The following NABP2 variants were observed in gnomAD, a reference collection of about 807,000 sequenced individuals.
NABP2 encodes nucleic acid binding protein 2.
NABP2 carries 7 observed loss-of-function variants against 22.7 expected under a neutral mutation model. The observed-to-expected ratio is 0.31, with a 90% CI of 0.18 to 0.58. The LOEUF (loss-of-function observed/expected upper bound fraction) is 0.58. NABP2 is among the 20% of genes least tolerant of loss of function. The pLI is 0.89. For synonymous variants in NABP2, 107 were observed against 99.2 expected (o/e 1.08, Z -0.47); for missense variants, 188 against 265.9 (o/e 0.71, Z 2.04).
chr12:56,228,290 C>T (rs1405713865), intron 6 of NABP2, among the ~76,000 whole-genome samples: 2 of 152,066 alleles, frequency 1.3e-5, no homozygotes, highest in South Asian at 2.1e-4. Context: ...CTCATACACA[C>T]CTTTTTTTTA....
At chr12:56,227,276 C>A (rs1406858341) in intron 6 of NABP2, among the ~76,000 whole-genome samples, 2 of 150,524 alleles carry the variant, frequency 1.3e-5, no homozygotes, top group Non-Finnish European at 3.0e-5. Flanking sequence ...CTTGGGAGGC[C>A]GAGGCAGGCG....
rs1364632219 is a variant in NABP2, at chr12:56,229,532, C to T, written c.*319C>T. The T allele has an allele frequency of 6.2e-6, 2 of 321,094 alleles. No homozygotes were observed. The highest frequency in any genetic ancestry group is 1.2e-5 in the Non-Finnish European group (2 of 168,254). The allele number at this position is 321,094 out of a possible 1,614,324, so 19.9% of individuals were successfully genotyped here. A position where few individuals can be genotyped will look rare whatever the true frequency, so the allele number is the denominator to read the frequency against. Reference sequence around the variant, plus strand: ...GGCGGATCACCTGAGGTCGGGAGTTCAAGACCAGCCTGACCAACATGGAGA... The same window carrying T: ...GGCGGATCACCTGAGGTCGGGAGTTTAAGACCAGCCTGACCAACATGGAGA... On this transcript the variant is annotated 3_prime_UTR_variant, in exon 7 of 7. Coordinates refer to ENST00000267023, the MANE Select transcript of NABP2 (RefSeq NM_024068.4).
chr12:56,229,411 C>T lies in NABP2; in HGVS notation c.*198C>T. On this transcript the variant is annotated 3_prime_UTR_variant, in exon 7 of 7. Transcript: ENST00000267023. ...ACTACCTGTCCCCTGGGAGTCAGGACCCTCTGCCTGCTCTCTTTCCTCTTT... is the reference window on the plus strand; with the variant it reads ...ACTACCTGTCCCCTGGGAGTCAGGATCCTCTGCCTGCTCTCTTTCCTCTTT... The T allele has an allele frequency of 1.5e-5, 9 of 607,724 alleles. No homozygotes were observed. The South Asian group carries it at 1.6e-4, about 11-fold the overall frequency. 37.6% of individuals were successfully genotyped at this position (607,724 alleles called of 1,614,324 possible). A position where few individuals can be genotyped will look rare whatever the true frequency, so the allele number is the denominator to read the frequency against.
In NABP2 at chr12:56,225,615, C is replaced by T. The variant is rs750777581; in HGVS notation, c.219-9C>T. On this transcript the variant is annotated splice_polypyrimidine_tract_variant and intron_variant, in intron 3 of 6. Coordinates refer to ENST00000267023, the MANE Select transcript of NABP2 (RefSeq NM_024068.4). ...GAGTACTGAATTTTGCTTTTTTTGC[C>T]TCCCATAGGTACGCTTCAGTTTTCA... The T allele has an allele frequency of 5.0e-6, 8 of 1,614,062 alleles. No individual in the cohort carries two copies. In the South Asian group the frequency reaches 7.7e-5, roughly 16 times the overall value.
intron 2 of NABP2, 50 bp downstream of exon 2, chr12:56,224,985 G>T: frequency 7.5e-7 from 1 of 1,331,980 alleles, no homozygotes; most frequent in South Asian, 1.2e-5. Context: ...GGGGGCAGGA[G>T]GGGAAGAACG....
Position 56,224,880 on chromosome 12 carries a change from G to C in NABP2, c.24G>C (p.Lys8Asn). ...GCATGACGACGGAGACCTTTGTGAA[G>C]GATATCAAGCCTGGGCTCAAGAATC... Reference protein sequence around the residue: MTTETFVKDIKPGLKNLN... With the variant: MTTETFVNDIKPGLKNLN... Residue 8 changes from lysine (K) to asparagine (N), a missense_variant, in exon 2 of 7, where the codon AAG (lysine) becomes AAC (asparagine). Coordinates refer to ENST00000267023, the MANE Select transcript of NABP2 (RefSeq NM_024068.4). The C allele has an allele frequency of 6.2e-7, 1 of 1,613,850 alleles. No individual in the cohort carries two copies. Among genetic ancestry groups the C allele is most frequent in the Non-Finnish European group, 8.5e-7 (1 of 1,179,968 alleles).
intron 6 of NABP2, among the ~76,000 whole-genome samples, chr12:56,227,866 T>C (rs578048804): frequency 6.6e-6 from 1 of 152,040 alleles, no homozygotes; most frequent in Non-Finnish European, 1.5e-5. Context: ...ATGTGACTTG[T>C]TATTAGCTTT....
chr12:56,229,087 T>TTGCCACCC lies in NABP2; in HGVS notation c.510_511insTGCCACCC (p.Pro171CysfsTer65). On this transcript the variant is annotated frameshift_variant, in exon 7 of 7. Transcript: ENST00000267023. LOFTEE classifies it high-confidence loss of function. ...GTGGTGGCCCACATCCCCCTCATAC[T>TTGCCACCC]CCCTCCCACCCACCCAGCACCCGAA... The TTGCCACCC allele has an allele frequency of 1.3e-6, 2 of 1,512,336 alleles. No homozygotes were observed. Among genetic ancestry groups the TTGCCACCC allele is most frequent in the Non-Finnish European group, 1.8e-6 (2 of 1,102,004 alleles). 93.7% of individuals were successfully genotyped at this position (1,512,336 alleles called of 1,614,324 possible).
chr12:56,229,015 C>T lies in NABP2; in HGVS notation c.438C>T (p.Ala146=), dbSNP rs1869955522. Residue 146 remains alanine (A), a splice_region_variant and synonymous_variant, in exon 7 of 7, where the codon GCC becomes GCT. Transcript: ENST00000267023. ...PTTGPSAASP[A]SENQNGNGLS... is the part of the protein sequence containing the mutation. ...TGTTTCTTCTCCTCCCACAATTAGC[C>T]TCTGAGAACCAGAATGGGAATGGAC... 6.2e-7 allele frequency: 1 copy of T among 1,611,918 alleles called. No homozygotes were observed. Among genetic ancestry groups the T allele is most frequent in the African/African-American group, 1.3e-5 (1 of 74,858 alleles).
chr12:56,228,947 C>A, intron 6 of NABP2, 67 bp from the exon 7 acceptor site: 2 of 1,433,386 alleles, frequency 1.4e-6, no homozygotes, highest in Non-Finnish European at 1.9e-6. Flanking sequence ...GGCATGGAGA[C>A]AGGCCTTGGG....
At chr12:56,222,491 G>A (rs1330821600), upstream of NABP2, among the ~76,000 whole-genome samples, 6 of 152,126 alleles carry the variant, frequency 3.9e-5, no homozygotes, top group South Asian at 2.1e-4. Flanking sequence ...ATGGCTCCCC[G>A]AACACTTGTG....
chr12:56,224,128 C>G (rs1483232129), upstream of NABP2, among the ~76,000 whole-genome samples: 2 of 152,232 alleles, frequency 1.3e-5, no homozygotes, highest in African/African-American at 4.8e-5. Flanking sequence ...TTAAGGAAAA[C>G]TGGGGGCCCT....
At chr12:56,227,082 A>C (rs1459215996) in intron 6 of NABP2, among the ~76,000 whole-genome samples, 2 of 150,590 alleles carry the variant, frequency 1.3e-5, no homozygotes, top group African/African-American at 4.9e-5. Context: ...ATATGGTTTA[A>C]GAACTAGACT....
At chr12:56,223,897 C>T (rs1022696197), upstream of NABP2, among the ~76,000 whole-genome samples, 15 of 152,200 alleles carry the variant, frequency 9.9e-5, no homozygotes, top group African/African-American at 3.4e-4. Flanking sequence ...TCATGCTATC[C>T]TCCAGCCTAT....
rs2135828890 is a variant in NABP2 at position 56,224,817 on chromosome 12, C to A, written c.-23-17C>A. ...AGGATCCAAGCATTGAGCCTTCATC[C>A]TCTATTCCCCATCCAGTGGGGTGCC... On this transcript the variant is annotated splice_polypyrimidine_tract_variant and intron_variant, in intron 1 of 6. Coordinates refer to ENST00000267023, the MANE Select transcript of NABP2 (RefSeq NM_024068.4). 1.2e-6 allele frequency: 2 copies of A among 1,604,826 alleles called. No homozygotes were observed. Among genetic ancestry groups the A allele is most frequent in the East Asian group, 2.2e-5 (1 of 44,822 alleles).
chr12:56,223,072 A>G (rs1869573286), upstream of NABP2, among the ~76,000 whole-genome samples: 1 of 152,142 alleles, frequency 6.6e-6, no homozygotes, highest in Non-Finnish European at 1.5e-5. Context: ...CGTCTCTACT[A>G]AAAATACAAA....
Position 56,225,499 on chromosome 12 carries a change from G to A in NABP2, c.206G>A (p.Arg69Gln), listed in dbSNP as rs771670379. ...CTGATCCAGCCTGGGGACATTATCC[G>A]GCTCACCAAAGGGTAAGTCAGCTGG... ...GNLIQPGDII[R>Q]LTKGYASVFK... Residue 69 changes from arginine (R) to glutamine (Q), a missense_variant, in exon 3 of 7, where the codon CGG becomes CAG. Physicochemically the swap from Arg to Gln is conservative, Grantham distance 43 (BLOSUM62 1). Coordinates refer to ENST00000267023, the MANE Select transcript of NABP2 (RefSeq NM_024068.4). 3.7e-6 allele frequency: 6 copies of A among 1,614,182 alleles called. No individual in the cohort carries two copies. Among genetic ancestry groups the A allele is most frequent in the South Asian group, 1.1e-5 (1 of 91,080 alleles).
chr12:56,224,223 C>T, upstream of NABP2: 2 of 634,630 alleles, frequency 3.2e-6, no homozygotes, highest in Non-Finnish European at 3.9e-6. Context: ...GCCCCCTTCG[C>T]GGCGCACGAG....
chr12:56,224,155 T>C (rs575761353), upstream of NABP2, among the ~76,000 whole-genome samples: 1 of 152,334 alleles, frequency 6.6e-6, no homozygotes, highest in South Asian at 2.1e-4. Context: ...CTTCTAGTGG[T>C]GGATTTTTCC....
Sources: gnomAD v4.1 joint callset for allele counts (sites outside exome capture counted in the v4.1 genomes callset) on GRCh38, gnomAD v4.1.1 for gene constraint, MANE v1.5 for transcripts, NCBI Gene and HGNC (gene_info 2026-07-23, HGNC 2026-07-21) for gene names.